The following CYP2C8 variants were observed in gnomAD, a reference collection of about 807,000 sequenced individuals.
CYP2C8 encodes cytochrome P450 2C8.
Under a neutral mutation model 41.3 loss-of-function variants are expected in CYP2C8, and 51 were observed. The observed-to-expected ratio is 1.24, with a 90% CI of 0.99 to 1.56. CYP2C8 has a LOEUF of 1.56. Ranked by LOEUF, CYP2C8 falls within the 40% of genes most tolerant of loss-of-function variation. The pLI, the probability that CYP2C8 is intolerant of heterozygous loss-of-function variation, is 0.00. For missense variants in CYP2C8, 651 were observed against 579.9 expected (o/e 1.12, Z -1.26); for synonymous variants, 218 against 205.8 (o/e 1.06, Z -0.51).
intron 6 of CYP2C8, among the ~76,000 whole-genome samples, chr10:95,043,999 A>G (rs1260962917): frequency 6.6e-6 from 1 of 152,186 alleles, no homozygotes; most frequent in Non-Finnish European, 1.5e-5. Flanking sequence ...TTTCCCAATT[A>G]TAGGGAAATC....
chr10:95,065,430 T>A (rs945372100), intron 3 of CYP2C8, among the ~76,000 whole-genome samples: 5 of 152,188 alleles, frequency 3.3e-5, no homozygotes, highest in Non-Finnish European at 7.3e-5. Flanking sequence ...TGTGGGTGAA[T>A]TCATGTGTTT....
chr10:95,067,682 C>T lies in CYP2C8; in HGVS notation c.178G>A (p.Val60Ile). 6.2e-7 allele frequency: 1 copy of T among 1,614,110 alleles called. No individual in the cohort carries two copies. Among genetic ancestry groups the T allele is most frequent in the Non-Finnish European group, 8.5e-7 (1 of 1,180,022 alleles). The change falls in exon 2 of 9, where the codon GTC (valine) becomes ATC (isoleucine). Residue 60 changes from valine to isoleucine, a missense_variant. By Grantham distance (29) the Val-to-Ile change is conservative. Coordinates refer to ENST00000371270, the MANE Select transcript of CYP2C8 (RefSeq NM_000770.3). ...ICKSFTNFSK[V>I]YGPVFTVYFG... is the part of the protein sequence containing the mutation. Reference sequence around the variant, plus strand: ...TACACGGTGAACACAGGACCATAGACTTTTGAGAACTGGGAAAGGAAATGC... The same window carrying T: ...TACACGGTGAACACAGGACCATAGATTTTTGAGAACTGGGAAAGGAAATGC...
chr10:95,064,750 C>T (rs201495232), intron 4 of CYP2C8, 50 bp downstream of exon 4: 1 of 1,576,924 alleles, frequency 6.3e-7, no homozygotes, highest in African/African-American at 1.3e-5. Context: ...CAAGTCTTCC[C>T]TACAACCTTG....
chr10:95,041,676 G>A (rs1046018884), intron 7 of CYP2C8, among the ~76,000 whole-genome samples: 4 of 151,634 alleles, frequency 2.6e-5, no homozygotes, highest in African/African-American at 9.7e-5. Context: ...AGCTACTCGG[G>A]AGGCTGAGGC....
intron 3 of CYP2C8, among the ~76,000 whole-genome samples, chr10:95,065,278 G>A (rs955256911): frequency 6.6e-6 from 1 of 152,130 alleles, no homozygotes; most frequent in African/African-American, 2.4e-5. Context: ...AATAATTCAA[G>A]TTTTTAGAGC....
intron 4 of CYP2C8, among the ~76,000 whole-genome samples, chr10:95,062,038 C>G (rs2033448190): frequency 6.6e-6 from 1 of 152,152 alleles, no homozygotes; most frequent in African/African-American, 2.4e-5. Flanking sequence ...TTTACATCTG[C>G]TGAGGAGTGC....
intron 6 of CYP2C8, among the ~76,000 whole-genome samples, chr10:95,044,164 A>G (rs536772648): frequency 1.3e-5 from 2 of 152,132 alleles, no homozygotes; most frequent in African/African-American, 4.8e-5. Flanking sequence ...GGCACCCATT[A>G]TTTCTTCTGA....
Position 95,045,803 on chromosome 10 carries a change from G to T in CYP2C8, c.961+7C>A. The T allele has an allele frequency of 1.2e-6, 2 of 1,613,842 alleles. No homozygotes were observed. The highest frequency in any genetic ancestry group is 2.2e-5 in the South Asian group (2 of 91,074). Reference sequence around the variant, plus strand: ...AAATTCACTTTGTTCATCATCTGTGGTCCTACCTGTGACCTCTGGGTGCTT... The same window carrying T: ...AAATTCACTTTGTTCATCATCTGTGTTCCTACCTGTGACCTCTGGGTGCTT... On this transcript the variant is annotated splice_region_variant and intron_variant, in intron 6 of 8. Transcript: ENST00000371270.
chr10:95,061,940 T>C (rs1316374218), intron 4 of CYP2C8, among the ~76,000 whole-genome samples: 2 of 152,190 alleles, frequency 1.3e-5, no homozygotes, highest in African/African-American at 4.8e-5. Flanking sequence ...GTCCATGTAG[T>C]TGAGTGGTTT....
intron 6 of CYP2C8, among the ~76,000 whole-genome samples, chr10:95,043,628 TAAC>T (rs1259427059): frequency 6.6e-6 from 1 of 152,132 alleles, no homozygotes; most frequent in Admixed American, 6.5e-5. Context: ...ATTTTTTACT[TAAC>T]AATTTTTAGA....
In CYP2C8 at chr10:95,054,178, A is replaced by AT. The variant is rs1420284832; in HGVS notation, c.819+4156dup. 5.3e-5 allele frequency among the ~76,000 whole-genome samples: 8 copies of AT among 152,002 alleles called. No homozygotes were observed. In the South Asian group the frequency reaches 6.2e-4, roughly 12 times the overall value. On this transcript the variant is annotated intron_variant, in intron 5 of 8. Coordinates refer to ENST00000371270, the MANE Select transcript of CYP2C8 (RefSeq NM_000770.3). ...TAATGTAGCAACTTGTATATTATGGATTTTTTTAAAAAAAATTAAGGATTA... is the reference window on the plus strand; with the variant it reads ...TAATGTAGCAACTTGTATATTATGGATTTTTTTTAAAAAAAATTAAGGATTA...
chr10:95,060,256 T>C (rs1213200515), intron 4 of CYP2C8, among the ~76,000 whole-genome samples: 1 of 152,182 alleles, frequency 6.6e-6, no homozygotes, highest in Non-Finnish European at 1.5e-5. Context: ...TTCATGATAT[T>C]GATTTTTCCT....
At chr10:95,052,824 C>G (rs2033237787) in intron 5 of CYP2C8, among the ~76,000 whole-genome samples, 1 of 151,822 alleles carries the variant, frequency 6.6e-6, no homozygotes, top group Admixed American at 6.6e-5. Context: ...TACAAAAGAC[C>G]AACAGCTAGT....
intron 5 of CYP2C8, among the ~76,000 whole-genome samples, chr10:95,056,269 T>C (rs922079596): frequency 3.3e-5 from 5 of 152,156 alleles, no homozygotes; most frequent in South Asian, 2.1e-4. Context: ...GGCTATAATA[T>C]GGAAAAGAGG....
intron 4 of CYP2C8, among the ~76,000 whole-genome samples, chr10:95,059,885 A>G (rs1352474370): frequency 1.3e-5 from 2 of 152,176 alleles, no homozygotes. Flanking sequence ...TCCCAGCAAC[A>G]TTTGTTGAAT....
intron 5 of CYP2C8, among the ~76,000 whole-genome samples, chr10:95,057,158 C>A (rs1174874990): frequency 1.3e-5 from 2 of 152,024 alleles, no homozygotes. Context: ...AGTAAATTGA[C>A]ACGGCATACT....
At chr10:95,063,629 T>C (rs565638821) in intron 4 of CYP2C8, among the ~76,000 whole-genome samples, 1 of 152,366 alleles carries the variant, frequency 6.6e-6, no homozygotes, top group Non-Finnish European at 1.5e-5. Flanking sequence ...GAAGCCTTCT[T>C]CTCTCAGCTC....
chr10:95,068,224 G>T (rs1478598942), intron 1 of CYP2C8, among the ~76,000 whole-genome samples: 2 of 152,078 alleles, frequency 1.3e-5, no homozygotes, highest in Non-Finnish European at 2.9e-5. Context: ...TGTCACCCCA[G>T]GTGATTCTAA....
At chr10:95,057,765 T>C (rs2033340421) in intron 5 of CYP2C8, among the ~76,000 whole-genome samples, 1 of 152,220 alleles carries the variant, frequency 6.6e-6, no homozygotes, top group Non-Finnish European at 1.5e-5. Context: ...ACAGGTTACC[T>C]GATAAACATC....
Sources: gnomAD v4.1 joint callset for allele counts (sites outside exome capture counted in the v4.1 genomes callset) on GRCh38, gnomAD v4.1.1 for gene constraint, MANE v1.5 for transcripts, NCBI Gene and HGNC (gene_info 2026-07-23, HGNC 2026-07-21) for gene names.